Variants in WNT7B observed in about 807,000 individuals in gnomAD.
WNT7B encodes Wnt family member 7B.
Under a neutral mutation model 38.2 loss-of-function variants are expected in WNT7B, and 19 were observed. The observed-to-expected ratio is 0.50, with a 90% CI of 0.35 to 0.73. The LOEUF (loss-of-function observed/expected upper bound fraction) is 0.73, where lower values mean the gene tolerates loss of function less well. Among genes scored for constraint, WNT7B ranks in the 30% least tolerant of loss-of-function variants. The pLI is 0.01. For missense variants in WNT7B, 423 were observed against 507.9 expected (o/e 0.83, Z 1.61); for synonymous variants, 243 against 209.3 (o/e 1.16, Z -1.39).
chr22:45,922,792 G>A lies in WNT7B; in HGVS notation c.*64C>T. The A allele has an allele frequency of 6.5e-7, 1 of 1,548,004 alleles. No individual in the cohort carries two copies. The highest frequency in any genetic ancestry group is 8.7e-7 in the Non-Finnish European group (1 of 1,145,130). On this transcript the variant is annotated 3_prime_UTR_variant, in exon 4 of 4. Transcript: ENST00000339464. ...CTGGCAGCACCAAGGCAGGGAAGGT[G>A]AGGAGTGGATGTGCAAAATGCCGCC...
At chr22:45,931,816 G>C (rs1000452035) in intron 2 of WNT7B, among the ~76,000 whole-genome samples, 1 of 152,076 alleles carries the variant, frequency 6.6e-6, no homozygotes, top group Non-Finnish European at 1.5e-5. Flanking sequence ...CCTCATGAAC[G>C]GGCATTTGCA....
At chr22:45,943,701 T>TGGTCTCCTTGGGAGCCTC (rs1363756206) in intron 2 of WNT7B, among the ~76,000 whole-genome samples, 2 of 152,190 alleles carry the variant, frequency 1.3e-5, no homozygotes, top group Admixed American at 6.5e-5. Context: ...GTAAGCCACA[T>TGGTCTCCTTGGGAGCCTC]GGTCTCCTTG....
At chr22:45,927,164 C>G in intron 3 of WNT7B, 1 of 985,070 alleles carries the variant, frequency 1.0e-6, no homozygotes, top group Non-Finnish European at 1.2e-6. Flanking sequence ...CTGCCTGCCC[C>G]ACGTAGCAGT....
rs529527168 is a variant in WNT7B at position 45,956,909 on chromosome 22, C to G, written c.72-6763G>C. ...GATCATGAAGTCAGGAGATCGAGAC[C>G]ATCCTGGCCAACACGGTGAAGCCCC... On this transcript the variant is annotated intron_variant, in intron 1 of 3. Coordinates refer to ENST00000339464, the MANE Select transcript of WNT7B (RefSeq NM_058238.3). Among the ~76,000 whole-genome samples, 130 of 151,996 alleles carry G rather than the reference C, an allele frequency of 8.6e-4. 1 individual carries two copies. The highest frequency in any genetic ancestry group is 3.0e-3 in the African/African-American group (125 of 41,450).
At chr22:45,927,608 G>A in intron 3 of WNT7B, 1 of 913,030 alleles carries the variant, frequency 1.1e-6, no homozygotes, top group South Asian at 1.4e-5. Context: ...ATAAGAGATG[G>A]AACAGGGCCA....
chr22:45,952,578 G>A (rs572523384), intron 1 of WNT7B, among the ~76,000 whole-genome samples: 7 of 152,248 alleles, frequency 4.6e-5, no homozygotes, highest in Admixed American at 2.6e-4. Flanking sequence ...CCTGTTTGCC[G>A]TGGGGCAGAG....
At chr22:45,930,144 A>G (rs888448342) in intron 3 of WNT7B, among the ~76,000 whole-genome samples, 1 of 152,148 alleles carries the variant, frequency 6.6e-6, no homozygotes, top group African/African-American at 2.4e-5. Flanking sequence ...CCAAGCCCTC[A>G]CCGTCCTGGG....
rs1931920919 is a variant in WNT7B, at chr22:45,951,047, T to G, written c.72-901A>C. On this transcript the variant is annotated intron_variant, in intron 1 of 3. Transcript: ENST00000339464. The surrounding 1 kb of genome is among the most constrained non-coding windows in gnomAD (Gnocchi z 4.8). ...GTCACGCTCACTCTACTTCAAGTGA[T>G]ATCAGCGGGATTGTCATTTGTTCAT... Among the ~76,000 whole-genome samples the G allele has an allele frequency of 6.6e-6, 1 of 152,222 alleles. No individual in the cohort carries two copies. Among genetic ancestry groups the G allele is most frequent in the Non-Finnish European group, 1.5e-5 (1 of 68,048 alleles).
At chr22:45,937,458 A>C (rs995769770) in intron 2 of WNT7B, among the ~76,000 whole-genome samples, 2 of 152,238 alleles carry the variant, frequency 1.3e-5, no homozygotes, top group Non-Finnish European at 2.9e-5. Flanking sequence ...GGGCACACAC[A>C]GTCCTGGGGG....
intron 3 of WNT7B, among the ~76,000 whole-genome samples, chr22:45,929,662 A>AT (rs1931242836): frequency 8.9e-6 from 1 of 112,638 alleles, no homozygotes; most frequent in African/African-American, 3.5e-5. Context: ...CCTTCCACCC[A>AT]CCCGCCCATC....
chr22:45,925,988 C>T, intron 3 of WNT7B: 1 of 985,428 alleles, frequency 1.0e-6, no homozygotes, highest in Non-Finnish European at 1.2e-6. Context: ...TCCCCTGTCC[C>T]TGTCTCCCGG....
rs1054105905 is a variant in WNT7B, at chr22:45,976,474, C to G, written c.71+210G>C. On this transcript the variant is annotated intron_variant, in intron 1 of 3. Coordinates refer to ENST00000339464, the MANE Select transcript of WNT7B (RefSeq NM_058238.3). This position sits in a 1 kb window ranked among gnomAD's most constrained non-coding sequence, Gnocchi z 8.5. ...CCGCGCGCCCCGCTCTCTCTCCTCC[C>G]GCGCTGGGCTCGGCGCCTCTCGGGA... Among the ~76,000 whole-genome samples the G allele has an allele frequency of 6.6e-6, 1 of 152,006 alleles. No individual in the cohort carries two copies. The highest frequency in any genetic ancestry group is 2.4e-5 in the African/African-American group (1 of 41,440).
At chr22:45,972,444 C>T (rs938306629) in intron 1 of WNT7B, 3 of 227,392 alleles carry the variant, frequency 1.3e-5, no homozygotes, top group African/African-American at 4.6e-5. Context: ...GCGGCGGGAG[C>T]TGGGGCTGGA....
chr22:45,921,664 A>C lies in WNT7B; in HGVS notation c.*1192T>G, dbSNP rs1930932059. 1.3e-5 allele frequency: 2 copies of C among 152,164 alleles called. No individual in the cohort carries two copies. The highest frequency in any genetic ancestry group is 4.8e-5 in the African/African-American group (2 of 41,404). 9.4% of individuals were successfully genotyped at this position (152,164 alleles called of 1,614,324 possible). A position where few individuals can be genotyped will look rare whatever the true frequency, so the allele number is the denominator to read the frequency against. ...GCTCCAGGGGGAAGGGGGTCTCTGT[A>C]AACTGGAGGTGCCAGGCCGGGAGGG... On this transcript the variant is annotated 3_prime_UTR_variant, in exon 4 of 4. Transcript: ENST00000339464.
intron 2 of WNT7B, among the ~76,000 whole-genome samples, chr22:45,936,451 C>T (rs1018957013): frequency 1.3e-5 from 2 of 152,234 alleles, no homozygotes. Context: ...CCAAGGCCAG[C>T]CCCATCGGCC....
intron 3 of WNT7B, chr22:45,925,359 G>A: frequency 1.0e-6 from 1 of 985,368 alleles, no homozygotes; most frequent in Non-Finnish European, 1.2e-6. Flanking sequence ...AGAGACTGGG[G>A]AGACTGGAGA....
intron 2 of WNT7B, among the ~76,000 whole-genome samples, chr22:45,946,699 C>CA (rs1261956909): frequency 6.6e-5 from 10 of 152,122 alleles, no homozygotes; most frequent in African/African-American, 2.4e-4. Flanking sequence ...AACTGGAACC[C>CA]AGGGGCCCAG....
intron 3 of WNT7B, among the ~76,000 whole-genome samples, chr22:45,924,082 C>G (rs1017766636): frequency 6.6e-6 from 1 of 152,214 alleles, no homozygotes; most frequent in African/African-American, 2.4e-5. Context: ...CTCATTTACC[C>G]GGATCGAAAG....
chr22:45,929,661 C>A (rs990082046), intron 3 of WNT7B, among the ~76,000 whole-genome samples: 4 of 120,444 alleles, frequency 3.3e-5, no homozygotes, highest in African/African-American at 1.3e-4. Flanking sequence ...TCCTTCCACC[C>A]ACCCGCCCAT....
Sources: allele counts gnomAD v4.1 joint callset (sites outside exome capture counted in the v4.1 genomes callset), GRCh38; gene constraint gnomAD v4.1.1; non-coding constraint Gnocchi (gnomAD v3.1); transcripts MANE v1.5; gene names NCBI Gene and HGNC (gene_info 2026-07-23, HGNC 2026-07-21).